Variants in AHNAK observed in about 807,000 individuals in gnomAD.
AHNAK encodes the protein neuroblast differentiation-associated protein AHNAK.
In AHNAK, 23 loss-of-function variants were observed where a neutral mutation model predicts 37.8. The ratio of observed to expected loss-of-function variants is 0.61; its 90% CI spans 0.44 to 0.86. AHNAK has a LOEUF of 0.86. AHNAK is among the 40% of genes least tolerant of loss of function. The pLI, the probability that AHNAK is intolerant of heterozygous loss-of-function variation, is 0.00. For missense variants in AHNAK, 7,411 were observed against 7,319.4 expected (o/e 1.01, Z -0.46); for synonymous variants, 2,481 against 2,636.3 (o/e 0.94, Z 1.80).
chr11:62,486,782 G>A (rs1217460596), intron 5 of AHNAK, among the ~76,000 whole-genome samples: 1 of 151,874 alleles, frequency 6.6e-6, no homozygotes, highest in East Asian at 1.9e-4. Context: ...TTACATAGAT[G>A]GAGAACTCAC....
Position 62,530,345 on chromosome 11 carries a change from C to T in AHNAK, c.4072G>A (p.Asp1358Asn), listed in dbSNP as rs757792530. 6.2e-6 allele frequency: 10 copies of T among 1,613,672 alleles called. No individual in the cohort carries two copies. Among genetic ancestry groups the T allele is most frequent in the South Asian group, 2.2e-5 (2 of 91,070 alleles). ...VEGEMKVPDV[D>N]IKGPKVDISA... The stretch of plus-strand genomic sequence containing the variant: ...ATGTCAACTTTGGGCCCTTTAATGT[C>T]AACATCTGGCACTTTCATTTCACCT... Residue 1358 changes from aspartate to asparagine, a missense_variant, in exon 5 of 5, where the codon GAC becomes AAC. By Grantham distance (23) the Asp-to-Asn change is conservative. Transcript: ENST00000378024.
At chr11:62,504,410 A>G (rs1215071347) in intron 4 of AHNAK, among the ~76,000 whole-genome samples, 5 of 152,094 alleles carry the variant, frequency 3.3e-5, no homozygotes, top group African/African-American at 1.2e-4. Flanking sequence ...GAATTTTTCT[A>G]GGAATTTAGA....
At chr11:62,543,122 C>T (rs962894489) in intron 1 of AHNAK, among the ~76,000 whole-genome samples, 1 of 152,196 alleles carries the variant, frequency 6.6e-6, no homozygotes, top group Non-Finnish European at 1.5e-5. Context: ...CCCTCCCTGA[C>T]AGGCCGTGTG....
Position 62,530,282 on chromosome 11 carries a change from G to T in AHNAK, c.4135C>A (p.His1379Asn), listed in dbSNP as rs1192527902. The T allele has an allele frequency of 2.5e-6, 4 of 1,612,738 alleles. No homozygotes were observed. Among genetic ancestry groups the T allele is most frequent in the Non-Finnish European group, 3.4e-6 (4 of 1,179,710 alleles). Residue 1379 changes from histidine (H) to asparagine (N), a missense_variant, in exon 5 of 5, where the codon CAC becomes AAC. Transcript: ENST00000378024. Reference protein sequence around the residue: ...PDVDVHGPDWHLKMPKVKMPK... With the variant: ...PDVDVHGPDWNLKMPKVKMPK... ...ATTTTCACCTTGGGCATCTTCAGGTGCCAATCTGGGCCATGAACATCCACA... is the reference window on the plus strand; with the variant it reads ...ATTTTCACCTTGGGCATCTTCAGGTTCCAATCTGGGCCATGAACATCCACA...
In AHNAK at chr11:62,543,515, G is replaced by A. The variant is rs561876235; in HGVS notation, c.-100+3145C>T. ...TGGGACGACACCTGCAATGCTATCA[G>A]TGACCTACCTAAGACTGCCAGCGAC... is the stretch of plus-strand genomic sequence containing the variant. On this transcript the variant is annotated intron_variant, in intron 1 of 4. Transcript: ENST00000378024. 2.6e-5 allele frequency among the ~76,000 whole-genome samples: 4 copies of A among 152,352 alleles called. No individual in the cohort carries two copies. In the East Asian group the frequency reaches 5.8e-4, roughly 22 times the overall value.
rs1189798793 is a variant in AHNAK, at chr11:62,526,318, A to G, written c.8099T>C (p.Met2700Thr). The change falls in exon 5 of 5, where the codon ATG (methionine) becomes ACG (threonine). Residue 2700 changes from methionine (M) to threonine (T), a missense_variant. Met to Thr is a moderately conservative substitution (Grantham distance 81). Transcript: ENST00000378024. The part of the protein sequence containing the change: ...LKGPKFKMPE[M>T]NIKAPKISMP... ...GGAGATCTTGGGGGCTTTGATATTCATCTCTGGCATCTTGAACTTAGGCCC... is the reference window on the plus strand; with the variant it reads ...GGAGATCTTGGGGGCTTTGATATTCGTCTCTGGCATCTTGAACTTAGGCCC... The G allele has an allele frequency of 6.2e-7, 1 of 1,613,604 alleles. No homozygotes were observed. Among genetic ancestry groups the G allele is most frequent in the East Asian group, 2.2e-5 (1 of 44,842 alleles).
In AHNAK at chr11:62,525,562, T is replaced by C. The variant is rs137943783; in HGVS notation, c.8855A>G (p.Lys2952Arg). 293 of 1,613,960 alleles carry C rather than the reference T, an allele frequency of 1.8e-4. No individual in the cohort carries two copies. Among genetic ancestry groups the C allele is most frequent in the Non-Finnish European group, 2.3e-4 (275 of 1,180,014 alleles). Residue 2952 changes from lysine (K) to arginine (R), a missense_variant, in exon 5 of 5, where the codon AAG becomes AGG. Coordinates refer to ENST00000378024, the MANE Select transcript of AHNAK (RefSeq NM_001620.3). ...PEGKLKGPKFKMPEMNIKAPK... is the reference protein window; with the variant it reads ...PEGKLKGPKFRMPEMNIKAPK... The stretch of plus-strand genomic sequence containing the variant: ...GGCTTTGATATTCATCTCTGGCATC[T>C]TGAACTTGGGCCCTTTCAACTTTCC...
Position 62,526,570 on chromosome 11 carries a change from T to G in AHNAK, c.7847A>C (p.Lys2616Thr). The change falls in exon 5 of 5, where the codon AAG becomes ACG. Residue 2616 changes from lysine (K) to threonine (T), a missense_variant. Transcript: ENST00000378024. ...GGCATTAATATCCACTTTGGGCCCC[T>G]TGATGTCAACTTCGGGGCCCTTGAG... ...GDLKGPEVDIKGPKVDINAPD... is the reference protein window; with the variant it reads ...GDLKGPEVDITGPKVDINAPD... The G allele has an allele frequency of 6.2e-7, 1 of 1,613,082 alleles. No homozygotes were observed. Among genetic ancestry groups the G allele is most frequent in the Non-Finnish European group, 8.5e-7 (1 of 1,179,808 alleles).
intron 5 of AHNAK, among the ~76,000 whole-genome samples, chr11:62,441,787 C>T (rs867816600): frequency 1.3e-5 from 2 of 152,122 alleles, no homozygotes; most frequent in South Asian, 4.2e-4. Flanking sequence ...CAGGCATGTG[C>T]CACCGAGCCT....
At chr11:62,491,287 C>T (rs1379359213) in intron 5 of AHNAK, among the ~76,000 whole-genome samples, 1 of 146,646 alleles carries the variant, frequency 6.8e-6, no homozygotes, top group Non-Finnish European at 1.5e-5. Flanking sequence ...TCCTAGGAGG[C>T]CTGAAAAAGA....
intron 4 of AHNAK, among the ~76,000 whole-genome samples, chr11:62,506,640 C>T (rs1352947961): frequency 6.6e-6 from 1 of 152,242 alleles, no homozygotes; most frequent in African/African-American, 2.4e-5. Context: ...AGCAGGACGC[C>T]ATGGGCTTAG....
downstream of AHNAK, among the ~76,000 whole-genome samples, chr11:62,514,452 G>A (rs118153979): frequency 8.7e-4 from 133 of 152,308 alleles, 1 homozygote; most frequent in East Asian, 0.02. Context: ...GCATGCTCAC[G>A]GCTGGAGTGT....
Position 62,533,778 on chromosome 11 carries a change from C to T in AHNAK, c.639G>A (p.Gly213=), listed in dbSNP as rs1940853454. The T allele has an allele frequency of 6.2e-7, 1 of 1,614,056 alleles. No individual in the cohort carries two copies. The highest frequency in any genetic ancestry group is 1.3e-5 in the African/African-American group (1 of 74,932). Residue 213 remains glycine, a synonymous_variant, in exon 5 of 5, where the codon GGG becomes GGA. Transcript: ENST00000378024. ...CAGCAGAGCCTGTCGGAGAGGCTGCCCCCGAGCCCGAGGGCAGTCTGATCA... is the reference window on the plus strand; with the variant it reads ...CAGCAGAGCCTGTCGGAGAGGCTGCTCCCGAGCCCGAGGGCAGTCTGATCA... ...KTVIRLPSGS[G]AASPTGSAVD...
In AHNAK at chr11:62,530,737, G is replaced by A; in HGVS notation, c.3680C>T (p.Pro1227Leu). 6.2e-7 allele frequency: 1 copy of A among 1,613,756 alleles called. No individual in the cohort carries two copies. The highest frequency in any genetic ancestry group is 8.5e-7 in the Non-Finnish European group (1 of 1,179,974). The stretch of plus-strand genomic sequence containing the variant: ...TTTGGGTCCTTTGATTTCAACATCT[G>A]GCACTTTCATTTCACCTTCTACCTT... ...VPKVEGEMKV[P>L]DVEIKGPKMD... The change falls in exon 5 of 5, where the codon CCA becomes CTA. Residue 1227 changes from proline (P) to leucine (L), a missense_variant. Pro to Leu is a moderately conservative substitution (Grantham distance 98). Coordinates refer to ENST00000378024, the MANE Select transcript of AHNAK (RefSeq NM_001620.3).
downstream of AHNAK, among the ~76,000 whole-genome samples, chr11:62,514,957 C>T (rs1176152599): frequency 2.0e-5 from 3 of 152,120 alleles, no homozygotes; most frequent in East Asian, 5.8e-4. Flanking sequence ...CTGGGGGGAT[C>T]CAGAGAGGTG....
At chr11:62,498,873 T>C (rs1182106953) in intron 4 of AHNAK, among the ~76,000 whole-genome samples, 1 of 152,212 alleles carries the variant, frequency 6.6e-6, no homozygotes, top group Non-Finnish European at 1.5e-5. Flanking sequence ...TTCATTAGGA[T>C]TGAAAGTACT....
chr11:62,457,340 C>T (rs541061981), intron 5 of AHNAK, among the ~76,000 whole-genome samples: 1 of 151,430 alleles, frequency 6.6e-6, no homozygotes, highest in Admixed American at 6.6e-5. Flanking sequence ...CCCAGCTACT[C>T]GGAAGGCTGA....
intron 5 of AHNAK, among the ~76,000 whole-genome samples, chr11:62,480,571 G>T (rs1001925107): frequency 4.6e-5 from 7 of 152,006 alleles, no homozygotes; most frequent in African/African-American, 1.7e-4. Context: ...TGAAGCAGGA[G>T]AATCGCTTGA....
At chr11:62,455,400 C>G (rs1238580673) in intron 5 of AHNAK, among the ~76,000 whole-genome samples, 1 of 151,956 alleles carries the variant, frequency 6.6e-6, no homozygotes, top group Non-Finnish European at 1.5e-5. Flanking sequence ...TTATTCCTCC[C>G]AAGCCACATT....
Sources: allele counts gnomAD v4.1 joint callset (sites outside exome capture counted in the v4.1 genomes callset), GRCh38; gene constraint gnomAD v4.1.1; transcripts MANE v1.5; gene names NCBI Gene and HGNC (gene_info 2026-07-23, HGNC 2026-07-21).